The following EPC1 variants were observed in gnomAD, a reference collection of about 807,000 sequenced individuals.
EPC1 encodes enhancer of polycomb homolog 1.
A neutral mutation model predicts 98.4 loss-of-function variants in EPC1; 12 were observed. That is an observed-to-expected ratio of 0.12 (90% CI 0.08 to 0.20). The LOEUF (loss-of-function observed/expected upper bound fraction) is 0.20. EPC1 is among the 10% of genes least tolerant of loss of function. EPC1 has a pLI of 1.00. For synonymous variants in EPC1, 357 were observed against 363.9 expected (o/e 0.98, Z 0.21); for missense variants, 729 against 990.5 (o/e 0.74, Z 3.54).
intron 4 of EPC1, 92 bp downstream of exon 4, chr10:32,292,896 T>C (rs1192769926): frequency 1.1e-6 from 1 of 874,996 alleles, no homozygotes; most frequent in African/African-American, 1.8e-5. Context: ...AAGTCATATT[T>C]GAATATAAAT....
At chr10:32,355,738 GT>G (rs1200131799) in intron 1 of EPC1, among the ~76,000 whole-genome samples, 1 of 151,184 alleles carries the variant, frequency 6.6e-6, no homozygotes, top group East Asian at 2.0e-4. Flanking sequence ...AGCCTCCCGA[GT>G]AGCTGGGACT....
intron 2 of EPC1, among the ~76,000 whole-genome samples, chr10:32,294,254 T>C (rs920078674): frequency 3.9e-5 from 6 of 152,198 alleles, no homozygotes; most frequent in African/African-American, 1.4e-4. Context: ...ACAGTACAGG[T>C]TGAGAATCCC....
intron 2 of EPC1, 112 bp downstream of exon 2, chr10:32,305,660 A>ATGCT (rs1835835732): frequency 6.5e-6 from 5 of 774,478 alleles, no homozygotes; most frequent in Non-Finnish European, 9.4e-6. Context: ...TCTTAAGCTG[A>ATGCT]TGCTGGTCAA....
intron 1 of EPC1, among the ~76,000 whole-genome samples, chr10:32,316,051 TA>T (rs1836529877): frequency 6.6e-6 from 1 of 152,194 alleles, no homozygotes; most frequent in African/African-American, 2.4e-5. Flanking sequence ...CTGGATTCCT[TA>T]CTGTTTGTCA....
intron 1 of EPC1, among the ~76,000 whole-genome samples, chr10:32,362,674 A>G (rs1250856591): frequency 1.3e-5 from 2 of 152,198 alleles, no homozygotes. Context: ...GAACAAACTA[A>G]TACAGTATGC....
chr10:32,358,570 A>C (rs1340612089), intron 1 of EPC1, among the ~76,000 whole-genome samples: 1 of 136,756 alleles, frequency 7.3e-6, no homozygotes, highest in Non-Finnish European at 1.5e-5. Context: ...ACTTGAGCCT[A>C]GGAGGTTGAG....
At chr10:32,351,638 A>G (rs1468244703), upstream of EPC1, among the ~76,000 whole-genome samples, 2 of 151,792 alleles carry the variant, frequency 1.3e-5, no homozygotes, top group Non-Finnish European at 2.9e-5. Flanking sequence ...GGGCTGGGCA[A>G]TAAGAGCGAA....
intron 12 of EPC1, 39 bp downstream of exon 12, chr10:32,271,987 T>C (rs756744783): frequency 1.3e-6 from 2 of 1,599,126 alleles, no homozygotes; most frequent in Admixed American, 1.8e-5. Context: ...ATATATGTTA[T>C]AAATATAACC....
Position 32,273,207 on chromosome 10 carries a change from G to T in EPC1, c.1819C>A (p.Gln607Lys). 2 of 1,614,118 alleles carry T rather than the reference G, an allele frequency of 1.2e-6. No homozygotes were observed. The highest frequency in any genetic ancestry group is 8.5e-7 in the Non-Finnish European group (1 of 1,179,934). Reference sequence around the variant, plus strand: ...GAATTACTATTTGCTTGCTGTTGCTGAATTTGTGCAAGCTGCTGTTTCTGC... The same window carrying T: ...GAATTACTATTTGCTTGCTGTTGCTTAATTTGTGCAAGCTGCTGTTTCTGC... ...LMQKQQLAQI[Q>K]QQQANSNSST... The change falls in exon 11 of 14, where the codon CAG becomes AAG. Residue 607 changes from glutamine to lysine, a missense_variant. Gln to Lys is a moderately conservative substitution (Grantham distance 53). Coordinates refer to ENST00000319778, the MANE Select transcript of EPC1 (RefSeq NM_001272004.3).
chr10:32,286,782 C>A lies in EPC1; in HGVS notation c.1303G>T (p.Asp435Tyr). The A allele has an allele frequency of 6.2e-7, 1 of 1,614,094 alleles. No homozygotes were observed. The change falls in exon 9 of 14, where the codon GAT becomes TAT. Residue 435 changes from aspartate to tyrosine, a missense_variant. Around this residue, in one of 6 missense-constraint regions of EPC1, gnomAD observed 390 missense variants for 438.6 expected, o/e 0.89. Coordinates refer to ENST00000319778, the MANE Select transcript of EPC1 (RefSeq NM_001272004.3). ...GTTAAGCAGTATCTATATCGCACAT[C>A]CCCTAATCCTCCATCTTTAGGACTA... ...WTSPKDGGLGDVRYRYCLTTL... is the reference protein window; with the variant it reads ...WTSPKDGGLGYVRYRYCLTTL...
intron 12 of EPC1, 24 bp downstream of exon 12, chr10:32,272,002 C>A: frequency 1.9e-6 from 3 of 1,602,678 alleles, no homozygotes; most frequent in Non-Finnish European, 2.5e-6. Context: ...ATAACCCAAA[C>A]AATTTAAATG....
intron 10 of EPC1, chr10:32,284,383 C>T (rs1023116035): frequency 1.4e-5 from 3 of 218,226 alleles, no homozygotes; most frequent in Non-Finnish European, 9.0e-6. Context: ...TAACAATTTA[C>T]GGCCCATTTT....
At chr10:32,277,605 G>A (rs894114169) in intron 10 of EPC1, among the ~76,000 whole-genome samples, 1 of 152,080 alleles carries the variant, frequency 6.6e-6, no homozygotes, top group South Asian at 2.1e-4. Context: ...TGTTGCCTAA[G>A]CTGGAGTGCA....
chr10:32,291,836 C>T (rs1201456904), intron 5 of EPC1: 2 of 152,002 alleles, frequency 1.3e-5, no homozygotes, highest in African/African-American at 4.8e-5. Context: ...ACTTTTTTGG[C>T]TTATAGCTTT....
In EPC1 at chr10:32,345,656, T is replaced by C. The variant is rs1036419384; in HGVS notation, c.153+1107A>G. The C allele has an allele frequency of 7.1e-6, 7 of 984,708 alleles. No individual in the cohort carries two copies. The African/African-American group carries it at 1.0e-4, about 15-fold the overall frequency. The allele number at this position is 984,708 out of a possible 1,614,324, so 61.0% of individuals were successfully genotyped here. A position where few individuals can be genotyped will look rare whatever the true frequency, so the allele number is the denominator to read the frequency against. ...AAATGAGAGGAAGATTCTATTATCC[T>C]GGTGTCCGAACCCAACTTCCACAAC... On this transcript the variant is annotated intron_variant, in intron 1 of 13. Coordinates refer to ENST00000319778, the MANE Select transcript of EPC1 (RefSeq NM_001272004.3).
At chr10:32,345,389 T>A in intron 1 of EPC1, 1 of 985,416 alleles carries the variant, frequency 1.0e-6, no homozygotes, top group Non-Finnish European at 1.2e-6. Flanking sequence ...GTTTAAACAG[T>A]TTTATTTCCA....
chr10:32,311,106 C>G (rs998219124), intron 1 of EPC1, among the ~76,000 whole-genome samples: 10 of 151,922 alleles, frequency 6.6e-5, no homozygotes, highest in Admixed American at 6.6e-5. Context: ...GTCAGGAGAT[C>G]GAGACCATCC....
At chr10:32,325,470 G>A (rs991083424) in intron 1 of EPC1, among the ~76,000 whole-genome samples, 16 of 152,140 alleles carry the variant, frequency 1.1e-4, no homozygotes, top group African/African-American at 3.6e-4. Context: ...CCACAGGAAG[G>A]GGCTAATGGT....
intron 1 of EPC1, among the ~76,000 whole-genome samples, chr10:32,352,361 C>G: frequency 6.6e-6 from 1 of 152,136 alleles, no homozygotes; most frequent in Admixed American, 6.5e-5. Context: ...TGTATTGATT[C>G]TTTTCAGTCT....
Sources: allele counts gnomAD v4.1 joint callset (sites outside exome capture counted in the v4.1 genomes callset), GRCh38; gene constraint gnomAD v4.1.1; regional missense constraint gnomAD v4.1.1; transcripts MANE v1.5; gene names NCBI Gene and HGNC (gene_info 2026-07-23, HGNC 2026-07-21).